Variants in PCNX2 observed in about 807,000 individuals in gnomAD.
The protein encoded by PCNX2 is pecanex-like protein 2.
In PCNX2, 168 loss-of-function variants were observed where a neutral mutation model predicts 223.8. The observed-to-expected ratio is 0.75, with a 90% CI of 0.66 to 0.85. The LOEUF (loss-of-function observed/expected upper bound fraction) is 0.85. Among genes scored for constraint, PCNX2 ranks in the 40% least tolerant of loss-of-function variants. The pLI is 0.00. For missense variants in PCNX2, 2,507 were observed against 2,675.5 expected (o/e 0.94, Z 1.39); for synonymous variants, 1,006 against 1,052.6 (o/e 0.96, Z 0.86).
intron 25 of PCNX2, 60 bp from the exon 26 acceptor site, chr1:233,025,459 A>C: frequency 6.3e-7 from 1 of 1,586,596 alleles, no homozygotes; most frequent in East Asian, 2.2e-5. Flanking sequence ...TGTTTGCTTC[A>C]ACGGATTTCC....
intron 25 of PCNX2, among the ~76,000 whole-genome samples, chr1:233,045,141 T>C (rs753173308): frequency 5.9e-5 from 9 of 152,210 alleles, no homozygotes; most frequent in Non-Finnish European, 1.2e-4. Flanking sequence ...TATTTTTTGT[T>C]CACCAAAGCC....
intron 4 of PCNX2, 107 bp from the exon 5 acceptor site, chr1:233,259,451 G>T: frequency 7.2e-7 from 1 of 1,382,462 alleles, no homozygotes; most frequent in South Asian, 1.5e-5. Flanking sequence ...AGCAACTAAT[G>T]GAATTAGATA....
At chr1:233,037,250 T>G (rs1671485965) in intron 25 of PCNX2, among the ~76,000 whole-genome samples, 1 of 152,152 alleles carries the variant, frequency 6.6e-6, no homozygotes, top group South Asian at 2.1e-4. Flanking sequence ...TGGGTTCAGT[T>G]CTTTATTACC....
chr1:233,151,848 T>C (rs1275190107), intron 19 of PCNX2, among the ~76,000 whole-genome samples: 1 of 152,214 alleles, frequency 6.6e-6, no homozygotes, highest in East Asian at 1.9e-4. Context: ...CCAATTTTTG[T>C]ATTTTTAGTA....
chr1:233,112,715 A>AT, intron 21 of PCNX2: 4 of 644,118 alleles, frequency 6.2e-6, no homozygotes, highest in South Asian at 3.5e-5. Context: ...ATCTTTGAAC[A>AT]ATATAACTAA....
chr1:233,287,047 C>G (rs1661488527), intron 1 of PCNX2, among the ~76,000 whole-genome samples: 1 of 152,126 alleles, frequency 6.6e-6, no homozygotes, highest in Non-Finnish European at 1.5e-5. Flanking sequence ...ATATTTTTAT[C>G]TGGGATATGG....
chr1:233,261,797 C>T (rs1365898535), intron 3 of PCNX2, among the ~76,000 whole-genome samples: 1 of 152,150 alleles, frequency 6.6e-6, no homozygotes, highest in East Asian at 1.9e-4. Context: ...TGTGGTTGAC[C>T]CAGCAGCGCA....
At chr1:233,318,137 G>A in the PCNX2 span, among the ~76,000 whole-genome samples, 1,624 of 150,468 alleles carry the variant, frequency 0.011, 28 homozygotes, top group African/African-American at 0.036. Flanking sequence ...AGTTTGGCAC[G>A]GGGCCTGATA....
intron 21 of PCNX2, among the ~76,000 whole-genome samples, chr1:233,109,497 T>A (rs1412299942): frequency 6.6e-6 from 1 of 152,114 alleles, no homozygotes; most frequent in Non-Finnish European, 1.5e-5. Context: ...AAAAGTCAAG[T>A]GGAAATGATA....
chr1:233,152,238 A>G (rs1277270078), intron 19 of PCNX2, among the ~76,000 whole-genome samples: 1 of 152,246 alleles, frequency 6.6e-6, no homozygotes, highest in African/African-American at 2.4e-5. Flanking sequence ...CTCAGCTCGA[A>G]GTCACTTATT....
At chr1:233,117,827 G>A (rs1675507560) in intron 21 of PCNX2, among the ~76,000 whole-genome samples, 1 of 151,164 alleles carries the variant, frequency 6.6e-6, no homozygotes, top group African/African-American at 2.4e-5. Context: ...CGGCTAAAAC[G>A]GTGAAACCCC....
the PCNX2 span, among the ~76,000 whole-genome samples, chr1:233,315,393 A>T: frequency 6.6e-6 from 1 of 152,244 alleles, no homozygotes; most frequent in East Asian, 1.9e-4. Flanking sequence ...TGAGAATTTC[A>T]AAAGAGCTGT....
intron 1 of PCNX2, among the ~76,000 whole-genome samples, chr1:233,283,506 C>T (rs1661292542): frequency 6.6e-6 from 1 of 152,106 alleles, no homozygotes. Context: ...CAACAACGTG[C>T]TCACAAACTG....
intron 9 of PCNX2, among the ~76,000 whole-genome samples, chr1:233,230,058 C>T (rs947524912): frequency 6.6e-6 from 1 of 152,082 alleles, no homozygotes; most frequent in African/African-American, 2.4e-5. Flanking sequence ...GTTATATAAA[C>T]CAAATGCTAT....
chr1:233,280,268 GTTAT>G (rs1266595785), intron 1 of PCNX2, among the ~76,000 whole-genome samples: 2 of 148,230 alleles, frequency 1.3e-5, no homozygotes, highest in Admixed American at 6.7e-5. Context: ...CTTGAGAATG[GTTAT>G]TTATTTAAAC....
rs1669700735 is a variant in PCNX2, at chr1:232,991,556, G to GT, written c.5792-5017dup. Among the ~76,000 whole-genome samples the GT allele has an allele frequency of 6.6e-6, 1 of 152,062 alleles. No homozygotes were observed. The highest frequency in any genetic ancestry group is 6.5e-5 in the Admixed American group (1 of 15,278). On this transcript the variant is annotated intron_variant, in intron 32 of 33. Transcript: ENST00000258229. This position sits in a 1 kb window ranked among gnomAD's most constrained non-coding sequence, Gnocchi z 4.3. ...TGGGGCCTTACTTTGACACAGGGTCGTTGCAAATGTCATTAGTTAAGATGA... is the reference window on the plus strand; with the variant it reads ...TGGGGCCTTACTTTGACACAGGGTCGTTTGCAAATGTCATTAGTTAAGATGA...
At chr1:233,044,945 A>T (rs1671776477) in intron 25 of PCNX2, among the ~76,000 whole-genome samples, 1 of 152,220 alleles carries the variant, frequency 6.6e-6, no homozygotes. Flanking sequence ...CTAGGATTAC[A>T]GGCATGAGCC....
At chr1:233,092,164 G>T (rs1673904960) in intron 22 of PCNX2, among the ~76,000 whole-genome samples, 1 of 152,156 alleles carries the variant, frequency 6.6e-6, no homozygotes, top group Admixed American at 6.5e-5. Flanking sequence ...GGAGTTTTCT[G>T]AGGGGCTGTG....
At chr1:233,303,365 A>C in the PCNX2 span, among the ~76,000 whole-genome samples, 1 of 151,926 alleles carries the variant, frequency 6.6e-6, no homozygotes, top group Non-Finnish European at 1.5e-5. Context: ...AAATACAAAA[A>C]TTTGCTGGGT....
Sources: gnomAD v4.1 joint callset for allele counts (sites outside exome capture counted in the v4.1 genomes callset) on GRCh38, gnomAD v4.1.1 for gene constraint, Gnocchi (gnomAD v3.1) non-coding constraint, MANE v1.5 for transcripts, NCBI Gene and HGNC (gene_info 2026-07-23, HGNC 2026-07-21) for gene names.